Variants in LRP5 observed in about 807,000 individuals in gnomAD.
The protein encoded by LRP5 is LDL receptor related protein 5.
LRP5 carries 62 observed loss-of-function variants against 154.1 expected under a neutral mutation model. The ratio of observed to expected loss-of-function variants is 0.40; its 90% CI spans 0.33 to 0.50. LRP5 has a LOEUF of 0.50. Ranked by LOEUF, LRP5 falls within the 20% of genes least tolerant of loss-of-function variation. LRP5 has a pLI of 0.55. For missense variants in LRP5, 1,915 were observed against 2,336.7 expected, an observed-to-expected ratio of 0.82 and a Z score of 3.72; for synonymous variants, 966 against 1,011.5, an observed-to-expected ratio of 0.96 and a Z score of 0.85.
chr11:68,347,505 A>G (rs973124815), intron 1 of LRP5, among the ~76,000 whole-genome samples: 5 of 152,236 alleles, frequency 3.3e-5, no homozygotes, highest in African/African-American at 1.2e-4. Flanking sequence ...AGAACAGGAC[A>G]GGGCCCCTGT....
intron 2 of LRP5, among the ~76,000 whole-genome samples, chr11:68,356,415 G>A (rs1355885537): frequency 6.6e-6 from 1 of 152,092 alleles, no homozygotes; most frequent in Non-Finnish European, 1.5e-5. Context: ...GGAATTACAG[G>A]TGCAAGCCAT....
At chr11:68,346,490 C>G (rs1262835375) in intron 1 of LRP5, among the ~76,000 whole-genome samples, 3 of 152,210 alleles carry the variant, frequency 2.0e-5, no homozygotes, top group African/African-American at 7.2e-5. Context: ...TCCCAGCTAC[C>G]CTCATAGAGG....
intron 7 of LRP5, among the ~76,000 whole-genome samples, chr11:68,397,230 C>T (rs1267675430): frequency 6.6e-6 from 1 of 152,156 alleles, no homozygotes; most frequent in Admixed American, 6.5e-5. Context: ...CCCCTCTGCC[C>T]TGCCCTTCTC....
chr11:68,378,930 C>G (rs539631000), intron 5 of LRP5, among the ~76,000 whole-genome samples: 40 of 151,996 alleles, frequency 2.6e-4, no homozygotes, highest in African/African-American at 8.9e-4. Context: ...GCCTCTAATC[C>G]CAGCTACTCC....
At chr11:68,379,396 G>A (rs58449999) in intron 5 of LRP5, among the ~76,000 whole-genome samples, 3,743 of 152,260 alleles carry the variant, frequency 0.025, 145 homozygotes, top group African/African-American at 0.085. Flanking sequence ...TGTGTTCTTA[G>A]AGAGGAAATG....
intron 9 of LRP5, among the ~76,000 whole-genome samples, chr11:68,407,717 C>T (rs890878923): frequency 1.3e-5 from 2 of 151,908 alleles, no homozygotes; most frequent in Non-Finnish European, 2.9e-5. Context: ...CATGGCGGCG[C>T]CTGCCTGTAA....
chr11:68,384,323 G>A (rs1242293030), intron 5 of LRP5, among the ~76,000 whole-genome samples: 1 of 152,180 alleles, frequency 6.6e-6, no homozygotes, highest in Non-Finnish European at 1.5e-5. Context: ...CTGGCAGTTG[G>A]CTGCAGGGCC....
intron 17 of LRP5, among the ~76,000 whole-genome samples, chr11:68,433,035 G>A (rs983740727): frequency 5.9e-5 from 9 of 152,308 alleles, no homozygotes; most frequent in African/African-American, 7.2e-5. Flanking sequence ...CGCCTGGGAC[G>A]TGCTGACAGG....
rs767021396 is a variant in LRP5 at position 68,448,909 on chromosome 11, T to A, written c.4687T>A (p.Tyr1563Asn). Residue 1563 changes from tyrosine to asparagine, a missense_variant, in exon 23 of 23, where the codon TAC (tyrosine) becomes AAC (asparagine). Physicochemically the swap from Tyr to Asn is moderately radical, Grantham distance 143. Coordinates refer to ENST00000294304, the MANE Select transcript of LRP5 (RefSeq NM_002335.4). ...SASRWKASKYYLDLNSDSDPY... is the reference protein window; with the variant it reads ...SASRWKASKYNLDLNSDSDPY... Reference sequence around the variant, plus strand: ...CAGCCGCTGGAAGGCCAGCAAGTACTACCTGGATTTGAACTCGGACTCAGA... The same window carrying A: ...CAGCCGCTGGAAGGCCAGCAAGTACAACCTGGATTTGAACTCGGACTCAGA... 1 of 1,613,608 alleles carries A rather than the reference T, an allele frequency of 6.2e-7. No individual in the cohort carries two copies. The highest frequency in any genetic ancestry group is 8.5e-7 in the Non-Finnish European group (1 of 1,179,954).
intron 11 of LRP5, among the ~76,000 whole-genome samples, chr11:68,412,654 A>G (rs1417757067): frequency 6.6e-5 from 10 of 151,700 alleles, no homozygotes; most frequent in Admixed American, 4.6e-4. Context: ...AAAAAAAAAA[A>G]AAGAAGAAGA....
At chr11:68,304,950 G>C in the LRP5 span, among the ~76,000 whole-genome samples, 3 of 152,168 alleles carry the variant, frequency 2.0e-5, no homozygotes. Flanking sequence ...TGAGACGTTG[G>C]ACTTGGGAAT....
chr11:68,376,903 C>T (rs754744451), intron 5 of LRP5, among the ~76,000 whole-genome samples: 1 of 152,234 alleles, frequency 6.6e-6, no homozygotes, highest in South Asian at 2.1e-4. Context: ...GCTGCCCAGG[C>T]GTCATTTGCT....
At chr11:68,409,231 A>AT (rs1415399470) in intron 9 of LRP5, among the ~76,000 whole-genome samples, 2 of 139,536 alleles carry the variant, frequency 1.4e-5, no homozygotes, top group African/African-American at 2.6e-5. Context: ...TATAATATAA[A>AT]ATATATATTA....
intron 5 of LRP5, among the ~76,000 whole-genome samples, chr11:68,377,846 TGGATCTCAGCTTTCCCC>T (rs56209165): frequency 0.97 from 146,652 of 151,320 alleles, 71,124 homozygotes; most frequent in East Asian, 1. Flanking sequence ...CAGCTTTCCC[TGGATCTCAGCTTTCCCC>T]GGATCTCAGC....
rs376997476 is a variant in LRP5 at position 68,423,465 on chromosome 11, A to C, written c.3028-24A>C. ...CCAGGGGTCTCCGCCAGTGCTCAGG[A>C]GTCTTGGTTTCTTTGTCTTACAGCC... On this transcript the variant is annotated intron_variant, in intron 13 of 22. Transcript: ENST00000294304. This position sits in a 1 kb window ranked among gnomAD's most constrained non-coding sequence, Gnocchi z 4.7. 16 of 1,608,908 alleles carry C rather than the reference A, an allele frequency of 9.9e-6. No homozygotes were observed. Among genetic ancestry groups the C allele is most frequent in the African/African-American group, 1.3e-5 (1 of 74,880 alleles).
chr11:68,321,300 T>A (rs1438700570), intron 1 of LRP5, among the ~76,000 whole-genome samples: 2 of 152,200 alleles, frequency 1.3e-5, no homozygotes, highest in Non-Finnish European at 2.9e-5. Context: ...CATCAGAACA[T>A]ATTTTAAGAT....
At chr11:68,442,965 C>A (rs908053063) in intron 21 of LRP5, among the ~76,000 whole-genome samples, 2 of 152,114 alleles carry the variant, frequency 1.3e-5, no homozygotes. Context: ...TGGCTGGGCC[C>A]CCACTGGAGG....
At position 68,412,004 on chromosome 11, in the gene LRP5, C is replaced by T. The variant is rs552971964; in HGVS notation, c.2503+384C>T. On this transcript the variant is annotated intron_variant, in intron 11 of 22. Coordinates refer to ENST00000294304, the MANE Select transcript of LRP5 (RefSeq NM_002335.4). ...TCACATAGCTGGTGAGTTCAGGATCCCCCAGAGATACCAGGGCCAGCACTC... is the reference window on the plus strand; with the variant it reads ...TCACATAGCTGGTGAGTTCAGGATCTCCCAGAGATACCAGGGCCAGCACTC... Among the ~76,000 whole-genome samples, 6 of 152,230 alleles carry T rather than the reference C, an allele frequency of 3.9e-5. No homozygotes were observed. The South Asian group carries it at 1.2e-3, about 32-fold the overall frequency.
chr11:68,355,367 CA>C, intron 2 of LRP5, among the ~76,000 whole-genome samples: 1 of 152,156 alleles, frequency 6.6e-6, no homozygotes, highest in Non-Finnish European at 1.5e-5. Flanking sequence ...AGGGAGTCAG[CA>C]CCATTTTACA....
Sources: gnomAD v4.1 joint callset for allele counts (sites outside exome capture counted in the v4.1 genomes callset) on GRCh38, gnomAD v4.1.1 for gene constraint, Gnocchi (gnomAD v3.1) non-coding constraint, MANE v1.5 for transcripts, NCBI Gene and HGNC (gene_info 2026-07-23, HGNC 2026-07-21) for gene names.